NRG1: variants seen among roughly 807,000 people sequenced by gnomAD.
NRG1 encodes neuregulin 1.
NRG1 carries 18 observed loss-of-function variants against 63.8 expected under a neutral mutation model. The ratio of observed to expected loss-of-function variants is 0.28; its 90% CI spans 0.19 to 0.42. The LOEUF is 0.42. Among genes scored for constraint, NRG1 ranks in the 10% least tolerant of loss-of-function variants. NRG1 has a pLI of 1.00. For synonymous variants in NRG1, 302 were observed against 301.3 expected (o/e 1.00, Z -0.02); for missense variants, 762 against 814.7 (o/e 0.94, Z 0.79).
At chr8:32,095,120 C>T (rs1455804627) in intron 1 of NRG1, among the ~76,000 whole-genome samples, 1 of 152,122 alleles carries the variant, frequency 6.6e-6, no homozygotes, top group South Asian at 2.1e-4. Context: ...CCATGTTGGC[C>T]AGGATGGTCT....
chr8:31,667,472 A>C (rs530360323), intron 1 of NRG1, among the ~76,000 whole-genome samples: 2 of 152,326 alleles, frequency 1.3e-5, no homozygotes, highest in South Asian at 2.1e-4. Context: ...AGCAAGCAGC[A>C]TGTTGCATTT....
intron 1 of NRG1, among the ~76,000 whole-genome samples, chr8:31,977,984 C>T (rs1192449236): frequency 2.0e-5 from 3 of 152,018 alleles, no homozygotes; most frequent in Non-Finnish European, 4.4e-5. Context: ...TTCAGTGCCT[C>T]AAAGGAAACT....
chr8:32,652,484 CTCCCCTT>C (rs2129547712), intron 5 of NRG1, among the ~76,000 whole-genome samples: 1 of 152,118 alleles, frequency 6.6e-6, no homozygotes, highest in Admixed American at 6.5e-5. Context: ...CAGACTTCTT[CTCCCCTT>C]TCCTTCCTAC....
intron 1 of NRG1, among the ~76,000 whole-genome samples, chr8:32,053,609 T>A (rs1822354104): frequency 6.6e-6 from 1 of 152,130 alleles, no homozygotes. Flanking sequence ...GCTAATACCA[T>A]GGAGAGAACA....
chr8:32,006,942 G>A (rs1813875951), intron 1 of NRG1, among the ~76,000 whole-genome samples: 1 of 151,942 alleles, frequency 6.6e-6, no homozygotes, highest in South Asian at 2.1e-4. Context: ...GTAATATAGA[G>A]GCAGACAATA....
intron 1 of NRG1, among the ~76,000 whole-genome samples, chr8:31,816,391 A>G (rs1423894965): frequency 6.6e-6 from 1 of 152,190 alleles, no homozygotes; most frequent in Non-Finnish European, 1.5e-5. Flanking sequence ...ATTCTTACTT[A>G]GATTCTTAAG....
chr8:32,294,857 A>G (rs1299983133), intron 1 of NRG1, among the ~76,000 whole-genome samples: 1 of 152,150 alleles, frequency 6.6e-6, no homozygotes, highest in Non-Finnish European at 1.5e-5. Context: ...GCTTGTTTTC[A>G]AAATAACAAG....
chr8:31,748,814 A>G (rs1045018797), intron 1 of NRG1, among the ~76,000 whole-genome samples: 9 of 151,768 alleles, frequency 5.9e-5, no homozygotes, highest in African/African-American at 1.9e-4. Flanking sequence ...AGCCTGTCTA[A>G]TCCCTGAGAG....
chr8:31,977,445 T>C (rs1430760325), intron 1 of NRG1, among the ~76,000 whole-genome samples: 2 of 152,068 alleles, frequency 1.3e-5, no homozygotes, highest in Non-Finnish European at 2.9e-5. Flanking sequence ...ACTATCTTTT[T>C]AGTTTTATTT....
intron 1 of NRG1, among the ~76,000 whole-genome samples, chr8:32,144,917 A>G (rs972526409): frequency 3.3e-5 from 5 of 152,178 alleles, no homozygotes; most frequent in Non-Finnish European, 5.9e-5. Flanking sequence ...AATATAGAAT[A>G]TGAAGTTTGA....
intron 1 of NRG1, among the ~76,000 whole-genome samples, chr8:32,023,794 C>T (rs180826395): frequency 6.6e-6 from 1 of 151,814 alleles, no homozygotes; most frequent in Admixed American, 6.6e-5. Flanking sequence ...CATTTAATTA[C>T]GATCAAATAG....
chr8:31,803,838 C>T (rs2062818), intron 1 of NRG1, among the ~76,000 whole-genome samples: 11 of 152,032 alleles, frequency 7.2e-5, no homozygotes, highest in Non-Finnish European at 1.3e-4. Flanking sequence ...TGCTATGCTG[C>T]AGCCACTTTG....
chr8:31,913,898 C>G (rs1833152964), intron 1 of NRG1, among the ~76,000 whole-genome samples: 1 of 152,142 alleles, frequency 6.6e-6, no homozygotes, highest in African/African-American at 2.4e-5. Flanking sequence ...GATTTTCCAT[C>G]TTCCTTGAGT....
intron 5 of NRG1, among the ~76,000 whole-genome samples, chr8:32,697,174 T>C (rs1037884267): frequency 3.3e-5 from 5 of 152,210 alleles, no homozygotes; most frequent in Admixed American, 2.6e-4. Flanking sequence ...AGTAGTATTG[T>C]GTGAGCTGAG....
intron 1 of NRG1, among the ~76,000 whole-genome samples, chr8:32,216,891 T>C (rs1563918526): frequency 6.6e-6 from 1 of 151,986 alleles, no homozygotes; most frequent in Non-Finnish European, 1.5e-5. Flanking sequence ...TTCAAGGCCA[T>C]GGTTCTCAGC....
Position 32,654,946 on chromosome 8 carries a change from A to T in NRG1, c.502+38061A>T, listed in dbSNP as rs569294887. The stretch of plus-strand genomic sequence containing the variant: ...TTCCAGTGGGTAGACTTGACTTTCA[A>T]TCCTACTTGTCCCTCTTCATGGCCT... On this transcript the variant is annotated intron_variant, in intron 5 of 11. Transcript: ENST00000356819. Among the ~76,000 whole-genome samples, 4 of 152,206 alleles carry T rather than the reference A, an allele frequency of 2.6e-5. No individual in the cohort carries two copies. The East Asian group carries it at 7.8e-4, about 29-fold the overall frequency.
chr8:31,701,736 T>C (rs1810651890), intron 1 of NRG1, among the ~76,000 whole-genome samples: 1 of 152,166 alleles, frequency 6.6e-6, no homozygotes, highest in Non-Finnish European at 1.5e-5. Flanking sequence ...CCCATCTCTC[T>C]ATTCCAACAT....
chr8:31,714,640 A>G (rs868145371), intron 1 of NRG1, among the ~76,000 whole-genome samples: 15 of 152,158 alleles, frequency 9.9e-5, no homozygotes, highest in Admixed American at 1.3e-4. Flanking sequence ...AATAAAAAGC[A>G]CTTTGCTTCC....
chr8:31,768,638 A>G (rs1179548617), intron 1 of NRG1, among the ~76,000 whole-genome samples: 1 of 152,174 alleles, frequency 6.6e-6, no homozygotes, highest in Non-Finnish European at 1.5e-5. Context: ...ATAGTTTCTC[A>G]TGTTATGATT....
Sources: gnomAD v4.1 joint callset for allele counts (sites outside exome capture counted in the v4.1 genomes callset) on GRCh38, gnomAD v4.1.1 for gene constraint, MANE v1.5 for transcripts, NCBI Gene and HGNC (gene_info 2026-07-23, HGNC 2026-07-21) for gene names.